Variants in SKAP2 observed in about 807,000 individuals in gnomAD.
The protein encoded by SKAP2 is src kinase associated phosphoprotein 2, also known as src kinase-associated phosphoprotein 2.
A neutral mutation model predicts 54.9 loss-of-function variants in SKAP2; 28 were observed. The ratio of observed to expected loss-of-function variants is 0.51; its 90% confidence interval spans 0.38 to 0.70. The LOEUF is 0.70. Among genes scored for constraint, SKAP2 ranks in the 30% least tolerant of loss-of-function variants. The pLI is 0.00. For missense variants in SKAP2, 356 were observed against 424.1 expected (o/e 0.84, Z 1.41); for synonymous variants, 137 against 134.3 (o/e 1.02, Z -0.14).
chr7:26,864,070 C>CACAT (rs1785321818), intron 1 of SKAP2, among the ~76,000 whole-genome samples: 1 of 151,054 alleles, frequency 6.6e-6, no homozygotes, highest in African/African-American at 2.4e-5. Flanking sequence ...CACACACACA[C>CACAT]ACACACACAC....
chr7:26,681,484 T>TCC (rs1786497227), intron 11 of SKAP2, among the ~76,000 whole-genome samples: 1 of 152,146 alleles, frequency 6.6e-6, no homozygotes, highest in Admixed American at 6.5e-5. Context: ...AAAACACTCT[T>TCC]CATTATAATG....
At chr7:26,833,277 T>A (rs981941491) in intron 4 of SKAP2, among the ~76,000 whole-genome samples, 5 of 151,456 alleles carry the variant, frequency 3.3e-5, no homozygotes, top group African/African-American at 1.2e-4. Flanking sequence ...GCACCTGTAG[T>A]CCCAGCTACT....
At chr7:26,806,225 C>T (rs1036902931) in intron 4 of SKAP2, among the ~76,000 whole-genome samples, 1 of 152,050 alleles carries the variant, frequency 6.6e-6, no homozygotes, top group African/African-American at 2.4e-5. Context: ...CCTACAATGA[C>T]TTCTAAGTTT....
intron 4 of SKAP2, among the ~76,000 whole-genome samples, chr7:26,756,301 A>G (rs1782791668): frequency 6.6e-6 from 1 of 152,098 alleles, no homozygotes; most frequent in African/African-American, 2.4e-5. Flanking sequence ...TACATTAGGT[A>G]TATCTCCTAA....
chr7:26,827,119 C>T (rs1340201748), intron 4 of SKAP2, among the ~76,000 whole-genome samples: 2 of 152,024 alleles, frequency 1.3e-5, no homozygotes, highest in East Asian at 3.9e-4. Context: ...TTATTAAACT[C>T]CTTTAGTGTT....
chr7:26,719,777 A>G (rs965251267), intron 9 of SKAP2, among the ~76,000 whole-genome samples: 3 of 152,328 alleles, frequency 2.0e-5, no homozygotes, highest in East Asian at 3.9e-4. Flanking sequence ...ACCTAGAAAC[A>G]TTCTATGTAA....
chr7:26,852,148 AG>A (rs750900363), intron 3 of SKAP2, among the ~76,000 whole-genome samples: 29 of 152,188 alleles, frequency 1.9e-4, no homozygotes, highest in East Asian at 1.2e-3. Flanking sequence ...TCTTGGATAA[AG>A]ATAATCCAAA....
chr7:26,738,632 T>G (rs1354193758), intron 6 of SKAP2, among the ~76,000 whole-genome samples, 163 bp downstream of exon 6: 4 of 152,164 alleles, frequency 2.6e-5, no homozygotes, highest in Admixed American at 6.5e-5. Flanking sequence ...TTTGGAGCAT[T>G]TGTCAAATAA....
intron 4 of SKAP2, among the ~76,000 whole-genome samples, chr7:26,768,389 C>T (rs9648331): frequency 0.38 from 57,834 of 151,528 alleles, 11,610 homozygotes; most frequent in Middle Eastern, 0.48. Flanking sequence ...ATACAGCACA[C>T]CAATGGGTCT....
At chr7:26,745,529 C>G (rs1454825862) in intron 4 of SKAP2, among the ~76,000 whole-genome samples, 1 of 152,204 alleles carries the variant, frequency 6.6e-6, no homozygotes, top group Non-Finnish European at 1.5e-5. Context: ...CTCTTCTAAA[C>G]TCATGTAGTA....
At position 26,670,737 on chromosome 7, in the gene SKAP2, C is replaced by T. The variant is rs192730998; in HGVS notation, c.988-545G>A. The stretch of plus-strand genomic sequence containing the variant: ...ACTTTAACAGATAAATTAGAGAATA[C>T]GGAAACACTAATAATACCAAAAAAC... On this transcript the variant is annotated intron_variant, in intron 11 of 12. Coordinates refer to ENST00000345317, the MANE Select transcript of SKAP2 (RefSeq NM_003930.5). 8.4e-4 allele frequency among the ~76,000 whole-genome samples: 127 copies of T among 151,990 alleles called. 2 individuals are homozygous for T. The highest frequency in any genetic ancestry group is 7.1e-3 in the Admixed American group (108 of 15,258).
intron 9 of SKAP2, among the ~76,000 whole-genome samples, chr7:26,714,572 A>G (rs1385515449): frequency 6.6e-6 from 1 of 152,182 alleles, no homozygotes; most frequent in Non-Finnish European, 1.5e-5. Context: ...AAGAGTGCTT[A>G]TATTTATCAC....
In SKAP2 at chr7:26,810,584, T is replaced by C. The variant is rs978866277; in HGVS notation, c.307+33446A>G. 3.9e-5 allele frequency among the ~76,000 whole-genome samples: 6 copies of C among 152,170 alleles called. No homozygotes were observed. The South Asian group carries it at 6.2e-4, about 16-fold the overall frequency. ...TTCTCACCACAAAAATATAAGTACA[T>C]GAGGTAACACTTGAGCTAAATAACT... is the stretch of plus-strand genomic sequence containing the variant. On this transcript the variant is annotated intron_variant, in intron 4 of 12. Transcript: ENST00000345317.
the SKAP2 span, among the ~76,000 whole-genome samples, chr7:26,659,852 C>T: frequency 1.1e-3 from 171 of 152,202 alleles, 3 homozygotes; most frequent in East Asian, 0.029. Context: ...TATCTTAATA[C>T]ATAGCATTAG....
intron 6 of SKAP2, among the ~76,000 whole-genome samples, chr7:26,736,048 G>A (rs1231915262): frequency 6.6e-6 from 1 of 152,264 alleles, no homozygotes; most frequent in African/African-American, 2.4e-5. Flanking sequence ...ACATGAAAAA[G>A]GAATGCTAAA....
rs575066587 is a variant in SKAP2 at position 26,851,216 on chromosome 7, G to A, written c.199+2921C>T. On this transcript the variant is annotated intron_variant, in intron 3 of 12. Transcript: ENST00000345317. ...GCTGATCTCTTTAGCCCAGGAACTC[G>A]AGACCAGTCTGTGACACGTGGCGAA... is the stretch of plus-strand genomic sequence containing the variant. 3.5e-5 allele frequency among the ~76,000 whole-genome samples: 5 copies of A among 142,942 alleles called. No individual in the cohort carries two copies. In the East Asian group the frequency reaches 6.2e-4, roughly 18 times the overall value. The allele number at this position is 142,942 out of a possible 152,430, so 93.8% of individuals were successfully genotyped here. A position where few individuals can be genotyped will look rare whatever the true frequency, so the allele number is the denominator to read the frequency against.
At chr7:26,863,178 ACACTAC>A (rs1785303343) in intron 1 of SKAP2, among the ~76,000 whole-genome samples, 1 of 152,168 alleles carries the variant, frequency 6.6e-6, no homozygotes, top group African/African-American at 2.4e-5. Context: ...ACTTAATATT[ACACTAC>A]CATATTAATA....
At chr7:26,799,470 A>G (rs903240625) in intron 4 of SKAP2, among the ~76,000 whole-genome samples, 7 of 152,252 alleles carry the variant, frequency 4.6e-5, no homozygotes, top group Non-Finnish European at 1.0e-4. Flanking sequence ...AAAGAAGGTC[A>G]CTATATAATG....
At chr7:26,845,152 C>A (rs202131993) in intron 3 of SKAP2, among the ~76,000 whole-genome samples, 3 of 151,980 alleles carry the variant, frequency 2.0e-5, no homozygotes, top group Admixed American at 1.3e-4. Context: ...AAGGAAAATC[C>A]CCATAGGAAC....
Sources: allele counts gnomAD v4.1 joint callset (sites outside exome capture counted in the v4.1 genomes callset), GRCh38; gene constraint gnomAD v4.1.1; transcripts MANE v1.5; gene names NCBI Gene and HGNC (gene_info 2026-07-23, HGNC 2026-07-21).